The following ERC1 variants were observed in gnomAD, a reference collection of about 807,000 sequenced individuals.
ERC1 encodes RAB6 interacting protein 2.
In ERC1, 56 loss-of-function variants were observed where a neutral mutation model predicts 132.0. That is an observed-to-expected ratio of 0.42 (90% CI 0.34 to 0.53). The LOEUF (loss-of-function observed/expected upper bound fraction) is 0.53, where lower values mean the gene tolerates loss of function less well. ERC1 is among the 20% of genes least tolerant of loss of function. The pLI is 0.03. For missense variants in ERC1, 1,202 were observed against 1,349.9 expected, an observed-to-expected ratio of 0.89 and a Z score of 1.72; for synonymous variants, 478 against 476.1, an observed-to-expected ratio of 1.00 and a Z score of -0.05.
At chr12:1,064,442 T>G (rs1938688564) in intron 2 of ERC1, among the ~76,000 whole-genome samples, 1 of 152,184 alleles carries the variant, frequency 6.6e-6, no homozygotes, top group South Asian at 2.1e-4. Context: ...TTGCCCAGGC[T>G]GGTGTGTGAT....
At chr12:1,433,416 T>C (rs1194927016) in intron 17 of ERC1, among the ~76,000 whole-genome samples, 1 of 152,160 alleles carries the variant, frequency 6.6e-6, no homozygotes, top group Non-Finnish European at 1.5e-5. Context: ...TTTCTTCTGG[T>C]GTACAGAAAT....
intron 15 of ERC1, among the ~76,000 whole-genome samples, chr12:1,335,789 C>T (rs2083263641): frequency 6.6e-6 from 1 of 152,108 alleles, no homozygotes; most frequent in South Asian, 2.1e-4. Flanking sequence ...GAAATAGTTT[C>T]AGGGGTAATG....
At chr12:1,100,675 A>G (rs953189509) in intron 3 of ERC1, among the ~76,000 whole-genome samples, 26 of 152,244 alleles carry the variant, frequency 1.7e-4, no homozygotes, top group African/African-American at 6.3e-4. Flanking sequence ...GATGCATACC[A>G]TGAATCAAGG....
Position 1,121,699 on chromosome 12 carries a change from ATCTCTATCTGTG to A in ERC1, c.1569+5676_1569+5687del, listed in dbSNP as rs1338154837. 1.2e-3 allele frequency among the ~76,000 whole-genome samples: 74 copies of A among 59,930 alleles called. 2 individuals are homozygous for A. The highest frequency in any genetic ancestry group is 1.7e-3 in the Non-Finnish European group (50 of 29,078). The allele number at this position is 59,930 out of a possible 152,430, so 39.3% of individuals were successfully genotyped here. A position where few individuals can be genotyped will look rare whatever the true frequency, so the allele number is the denominator to read the frequency against. On this transcript the variant is annotated intron_variant, in intron 7 of 18. Transcript: ENST00000360905. ...TCTATCTATCTCTATCTCTATCTCT[ATCTCTATCTGTG>A]TCTCTATCTCTATCTCTATCTCTAT... is the stretch of plus-strand genomic sequence containing the variant.
At chr12:1,429,042 CT>C (rs925408108) in intron 17 of ERC1, among the ~76,000 whole-genome samples, 8 of 151,844 alleles carry the variant, frequency 5.3e-5, no homozygotes, top group East Asian at 3.8e-4. Flanking sequence ...AAACAGATGG[CT>C]TTTTTTTGGT....
intron 2 of ERC1, among the ~76,000 whole-genome samples, chr12:1,059,401 T>C (rs1973602593): frequency 6.6e-6 from 1 of 152,198 alleles, no homozygotes; most frequent in Non-Finnish European, 1.5e-5. Context: ...GTTGGCATAC[T>C]TGTCTGGTTC....
chr12:1,482,078 T>C (rs2094103910), intron 18 of ERC1, among the ~76,000 whole-genome samples: 1 of 152,182 alleles, frequency 6.6e-6, no homozygotes, highest in African/African-American at 2.4e-5. Context: ...GTGGCCTCGC[T>C]GAAACTGTGT....
chr12:1,330,953 G>A (rs1187921081), intron 15 of ERC1, among the ~76,000 whole-genome samples: 1 of 151,924 alleles, frequency 6.6e-6, no homozygotes, highest in Non-Finnish European at 1.5e-5. Flanking sequence ...TCAATGTACT[G>A]TCCCCTGCTT....
intron 2 of ERC1, among the ~76,000 whole-genome samples, chr12:1,064,108 A>G (rs1423765668): frequency 6.6e-6 from 1 of 152,132 alleles, no homozygotes. Flanking sequence ...CAGTTTGAAT[A>G]TATCATTTCA....
chr12:1,113,611 A>G (rs1369032844), intron 6 of ERC1, among the ~76,000 whole-genome samples: 1 of 152,250 alleles, frequency 6.6e-6, no homozygotes, highest in Admixed American at 6.5e-5. Flanking sequence ...GGTCCACTTT[A>G]TAGTATATAT....
chr12:1,349,491 CCT>C (rs2084795472), intron 15 of ERC1, among the ~76,000 whole-genome samples: 1 of 151,694 alleles, frequency 6.6e-6, no homozygotes, highest in Admixed American at 6.6e-5. Context: ...ATGGTGAAAC[CCT>C]CTCTACTAAA....
intron 4 of ERC1, among the ~76,000 whole-genome samples, chr12:1,107,880 A>G (rs1945434186): frequency 6.6e-6 from 1 of 152,164 alleles, no homozygotes; most frequent in Non-Finnish European, 1.5e-5. Context: ...AAAAAGGTTG[A>G]GAATTTGGGG....
At chr12:1,443,319 A>C (rs1278421413) in intron 17 of ERC1, 1 of 152,186 alleles carries the variant, frequency 6.6e-6, no homozygotes, top group Non-Finnish European at 1.5e-5. Context: ...ATAAAACTTT[A>C]TTTCTTAAAA....
At chr12:999,349 G>A (rs1033413302) in intron 1 of ERC1, among the ~76,000 whole-genome samples, 18 of 152,226 alleles carry the variant, frequency 1.2e-4, no homozygotes, top group African/African-American at 4.3e-4. Context: ...CCATTTGGAT[G>A]CCCCTTAAAC....
At chr12:1,163,958 C>T (rs73593927) in intron 8 of ERC1, among the ~76,000 whole-genome samples, 6,500 of 152,214 alleles carry the variant, frequency 0.043, 453 homozygotes, top group African/African-American at 0.15. Context: ...TCAAGTGATC[C>T]GCCTGTCATG....
At chr12:1,354,052 C>T (rs1288393527) in intron 15 of ERC1, among the ~76,000 whole-genome samples, 2 of 151,528 alleles carry the variant, frequency 1.3e-5, no homozygotes, top group East Asian at 3.9e-4. Flanking sequence ...TGTGCCCCGC[C>T]TCTTATCTTG....
chr12:1,355,996 A>G (rs1262367950), intron 15 of ERC1, among the ~76,000 whole-genome samples: 2 of 152,170 alleles, frequency 1.3e-5, no homozygotes, highest in African/African-American at 4.8e-5. Context: ...GCTTGAGCTC[A>G]GGAATTCAAG....
In ERC1 at chr12:1,493,540, A is replaced by ATATATATATATATATAT. The variant is rs59708005; in HGVS notation, c.*3310_*3311insTATATATATATATATAT. On this transcript the variant is annotated 3_prime_UTR_variant, in exon 19 of 19. Transcript: ENST00000360905. ...TGACAGAGACTCCATTTAAAAAAAA[A>ATATATATATATATATAT]AAAAAAAAATATATATATATATATA... 1 of 22,394 alleles carries ATATATATATATATATAT rather than the reference A, an allele frequency of 4.5e-5. No individual in the cohort carries two copies. The highest frequency in any genetic ancestry group is 1.2e-4 in the African/African-American group (1 of 8,306). The allele number at this position is 22,394 out of a possible 1,614,324, so 1.4% of individuals were successfully genotyped here. A position where few individuals can be genotyped will look rare whatever the true frequency, so the allele number is the denominator to read the frequency against.
chr12:1,400,413 A>G (rs1194892113), intron 16 of ERC1, among the ~76,000 whole-genome samples: 2 of 152,148 alleles, frequency 1.3e-5, no homozygotes, highest in Non-Finnish European at 1.5e-5. Context: ...ATAAAATTTT[A>G]TAAATTTTGA....
Sources: allele counts gnomAD v4.1 joint callset (sites outside exome capture counted in the v4.1 genomes callset), GRCh38; gene constraint gnomAD v4.1.1; transcripts MANE v1.5; gene names NCBI Gene and HGNC (gene_info 2026-07-23, HGNC 2026-07-21).